Variants in RAI1 observed in about 807,000 individuals in gnomAD.
The protein encoded by RAI1 is retinoic acid induced 1, also known as retinoic acid-induced protein 1.
Under a neutral mutation model 123.8 loss-of-function variants are expected in RAI1, and 9 were observed. That is an observed-to-expected ratio of 0.07 (90% CI 0.04 to 0.13). The LOEUF (loss-of-function observed/expected upper bound fraction) is 0.13. Among genes scored for constraint, RAI1 ranks in the 10% least tolerant of loss-of-function variants. RAI1 has a pLI of 1.00. For synonymous variants in RAI1, 1,231 were observed against 1,127.3 expected, an observed-to-expected ratio of 1.09 and a Z score of -1.84; for missense variants, 2,256 against 2,545.8, an observed-to-expected ratio of 0.89 and a Z score of 2.45.
At position 17,793,147 on chromosome 17, in the gene RAI1, T is replaced by C. The variant is rs2143001498; in HGVS notation, c.199T>C (p.Ser67Pro). The stretch of plus-strand genomic sequence containing the variant: ...CTATGAGGGTGGCGCTGGCACGCCC[T>C]CTGGCACTGCAGCCGCGGTGGCCGC... ...PSYEGGAGTP[S>P]GTAAAVAADK... The change falls in exon 3 of 6, where the codon TCT becomes CCT. Residue 67 changes from serine to proline, a missense_variant. Physicochemically the swap from Ser to Pro is moderately conservative, Grantham distance 74. This residue lies in a region of RAI1 where 336 missense variants were observed against 349.8 expected (regional missense o/e 0.96). Coordinates refer to ENST00000353383, the MANE Select transcript of RAI1 (RefSeq NM_030665.4). 3 of 1,613,608 alleles carry C rather than the reference T, an allele frequency of 1.9e-6. 1 individual carries two copies. The Middle Eastern group carries it at 4.9e-4, about 266-fold the overall frequency.
intron 2 of RAI1, among the ~76,000 whole-genome samples, chr17:17,791,703 C>T (rs2032017781): frequency 6.6e-6 from 1 of 152,246 alleles, no homozygotes; most frequent in Admixed American, 6.5e-5. Flanking sequence ...TGGCCAGCCC[C>T]TCCATGCACT....
Position 17,809,445 on chromosome 17 carries a change from G to C in RAI1, c.5709+6G>C, listed in dbSNP as rs1598101945. ...TGAAATGTCCCAAACATAAGGTAGG[G>C]GACCACAGTGTTTTGTAGGGCGAGG... On this transcript the variant is annotated splice_donor_region_variant and intron_variant, in intron 5 of 5. Coordinates refer to ENST00000353383, the MANE Select transcript of RAI1 (RefSeq NM_030665.4). The surrounding 1 kb of genome is among the most constrained non-coding windows in gnomAD (Gnocchi z 4.9). The C allele has an allele frequency of 6.3e-7, 1 of 1,593,824 alleles. No homozygotes were observed. The highest frequency in any genetic ancestry group is 8.6e-7 in the Non-Finnish European group (1 of 1,161,824).
At chr17:17,749,018 T>G (rs2030041433) in intron 2 of RAI1, among the ~76,000 whole-genome samples, 1 of 152,154 alleles carries the variant, frequency 6.6e-6, no homozygotes, top group African/African-American at 2.4e-5. Flanking sequence ...GCATGGAGCA[T>G]CAGGGAAATG....
At chr17:17,726,106 G>A (rs1434405195) in intron 2 of RAI1, among the ~76,000 whole-genome samples, 2 of 152,112 alleles carry the variant, frequency 1.3e-5, no homozygotes, top group African/African-American at 4.8e-5. Context: ...TGTGGGAGGC[G>A]GAAATGAGAG....
chr17:17,777,164 G>A (rs767461606), intron 2 of RAI1: 15 of 152,210 alleles, frequency 9.9e-5, no homozygotes, highest in Non-Finnish European at 1.8e-4. Context: ...TTGTGCAGAT[G>A]ACTTCGGGCC....
intron 2 of RAI1, chr17:17,777,602 TG>T (rs5819623): frequency 1 from 152,300 of 152,300 alleles, 76,150 homozygotes; most frequent in Non-Finnish European, 1. Flanking sequence ...ACTGCAGTCA[TG>T]GGGATGGGGG....
chr17:17,740,583 G>A (rs1916590268), intron 2 of RAI1, among the ~76,000 whole-genome samples: 1 of 152,180 alleles, frequency 6.6e-6, no homozygotes, highest in South Asian at 2.1e-4. Context: ...AGCTCAGAGA[G>A]TGAATGAATT....
intron 1 of RAI1, among the ~76,000 whole-genome samples, chr17:17,692,585 C>A (rs1385692139): frequency 1.3e-5 from 2 of 152,224 alleles, no homozygotes; most frequent in East Asian, 1.9e-4. Flanking sequence ...CTGCTGCTTA[C>A]CCCCTTCCCC....
intron 1 of RAI1, among the ~76,000 whole-genome samples, chr17:17,710,513 C>T (rs1915534456): frequency 6.6e-6 from 1 of 152,232 alleles, no homozygotes; most frequent in African/African-American, 2.4e-5. Flanking sequence ...GAGTCAGAGG[C>T]TGCCAGTGGT....
At chr17:17,738,520 T>C (rs2142963860) in intron 2 of RAI1, among the ~76,000 whole-genome samples, 1 of 152,268 alleles carries the variant, frequency 6.6e-6, no homozygotes, top group East Asian at 1.9e-4. Context: ...GGGCCTGGCC[T>C]GTCTGCGGGT....
intron 2 of RAI1, among the ~76,000 whole-genome samples, chr17:17,728,978 C>T (rs374739688): frequency 9.5e-4 from 144 of 152,268 alleles, no homozygotes; most frequent in Admixed American, 7.8e-3. Context: ...TGCTGAGGTC[C>T]GAGCAGCACA....
At chr17:17,777,157 T>C (rs761716499) in intron 2 of RAI1, 1 of 152,220 alleles carries the variant, frequency 6.6e-6, no homozygotes, top group Non-Finnish European at 1.5e-5. Flanking sequence ...GGTAGCCTTG[T>C]GCAGATGACT....
At chr17:17,758,965 A>C (rs553603405) in intron 2 of RAI1, among the ~76,000 whole-genome samples, 4 of 152,172 alleles carry the variant, frequency 2.6e-5, no homozygotes, top group African/African-American at 9.7e-5. Context: ...CAGGACCTTG[A>C]ATGCAAGCAA....
intron 2 of RAI1, chr17:17,776,658 C>CTTTTTTTTTTTTT (rs3075548): frequency 5.1e-5 from 3 of 59,366 alleles, no homozygotes; most frequent in African/African-American, 2.3e-4. Context: ...GCCTGGCTCA[C>CTTTTTTTTTTTTT]TTTTTTTTTT....
intron 2 of RAI1, among the ~76,000 whole-genome samples, chr17:17,760,665 C>T (rs1005464590): frequency 2.0e-5 from 3 of 152,222 alleles, no homozygotes; most frequent in African/African-American, 7.2e-5. Context: ...GCCTTGGTCT[C>T]CTCGGCTGTC....
intron 2 of RAI1, among the ~76,000 whole-genome samples, chr17:17,724,781 C>T (rs966022415): frequency 2.6e-5 from 4 of 152,184 alleles, no homozygotes; most frequent in Non-Finnish European, 4.4e-5. Flanking sequence ...CGCCGCCCGC[C>T]AGCGCTTAAG....
rs117650022 is a variant in RAI1, at chr17:17,762,107, G to A, written c.-16-30826G>A. On this transcript the variant is annotated intron_variant, in intron 2 of 5. Transcript: ENST00000353383. Reference sequence around the variant, plus strand: ...GTGTGTCTGCTGTATGCCCTGACAAGACAGATGGACTCTGCCCTCACGGAG... The same window carrying A: ...GTGTGTCTGCTGTATGCCCTGACAAAACAGATGGACTCTGCCCTCACGGAG... 3.2e-4 allele frequency among the ~76,000 whole-genome samples: 48 copies of A among 152,306 alleles called. No individual in the cohort carries two copies. The East Asian group carries it at 7.9e-3, about 25-fold the overall frequency.
intron 2 of RAI1, among the ~76,000 whole-genome samples, chr17:17,724,584 G>A (rs904057977): frequency 6.6e-6 from 1 of 152,038 alleles, no homozygotes; most frequent in Non-Finnish European, 1.5e-5. Context: ...AGAGATGCCA[G>A]AGAAGGAAGG....
intron 2 of RAI1, among the ~76,000 whole-genome samples, chr17:17,786,928 C>G (rs1490933714): frequency 6.6e-6 from 1 of 152,216 alleles, no homozygotes; most frequent in Non-Finnish European, 1.5e-5. Context: ...ACAAAATTAG[C>G]TGGGCGTTGT....
Sources: gnomAD v4.1 joint callset for allele counts (sites outside exome capture counted in the v4.1 genomes callset) on GRCh38, gnomAD v4.1.1 for gene constraint, gnomAD v4.1.1 regional missense constraint, Gnocchi (gnomAD v3.1) non-coding constraint, MANE v1.5 for transcripts, NCBI Gene and HGNC (gene_info 2026-07-23, HGNC 2026-07-21) for gene names.